SLC5A12: variants seen among roughly 807,000 people sequenced by gnomAD.
SLC5A12 encodes the protein solute carrier family 5 member 12, also known as sodium-coupled monocarboxylate transporter 2.
A neutral mutation model predicts 72.7 loss-of-function variants in SLC5A12; 46 were observed. That is an observed-to-expected ratio of 0.63 (90% confidence interval 0.50 to 0.81). SLC5A12 has a LOEUF of 0.81. Among genes scored for constraint, SLC5A12 ranks in the 30% least tolerant of loss-of-function variants. SLC5A12 has a pLI of 0.00. For missense variants in SLC5A12, 683 were observed against 740.7 expected (o/e 0.92, Z 0.90); for synonymous variants, 275 against 264.4 (o/e 1.04, Z -0.39).
At chr11:26,711,959 G>A (rs1027618016) in intron 2 of SLC5A12, among the ~76,000 whole-genome samples, 6 of 152,098 alleles carry the variant, frequency 3.9e-5, no homozygotes, top group Non-Finnish European at 5.9e-5. Context: ...TCATGTTAGG[G>A]TTTTAAAAGG....
At chr11:26,700,434 T>C (rs1468883702) in intron 6 of SLC5A12, among the ~76,000 whole-genome samples, 3 of 152,090 alleles carry the variant, frequency 2.0e-5, no homozygotes, top group Non-Finnish European at 4.4e-5. Context: ...ATTGTAGCTA[T>C]AGCAGGAAGC....
At chr11:26,697,574 T>G (rs148176889) in intron 7 of SLC5A12, among the ~76,000 whole-genome samples, 1 of 152,182 alleles carries the variant, frequency 6.6e-6, no homozygotes, top group East Asian at 1.9e-4. Flanking sequence ...AGCAGGACAG[T>G]TAAATATATA....
chr11:26,681,375 C>T (rs930355224), intron 11 of SLC5A12, among the ~76,000 whole-genome samples, 154 bp from the exon 12 acceptor site: 7 of 152,152 alleles, frequency 4.6e-5, no homozygotes, highest in African/African-American at 1.7e-4. Flanking sequence ...CTGCCTTCAC[C>T]TCAACTCCCA....
At chr11:26,690,611 G>T (rs1046946216) in intron 9 of SLC5A12, among the ~76,000 whole-genome samples, 6 of 139,398 alleles carry the variant, frequency 4.3e-5, no homozygotes, top group Non-Finnish European at 7.6e-5. Context: ...GGGACTTCGA[G>T]ACCAGCCTGA....
upstream of SLC5A12, among the ~76,000 whole-genome samples, chr11:26,722,671 C>T (rs1288414352): frequency 2.0e-5 from 3 of 152,120 alleles, no homozygotes; most frequent in Middle Eastern, 3.2e-3. Flanking sequence ...ACTGTACCCA[C>T]AGGCTAAGTT....
intron 4 of SLC5A12, among the ~76,000 whole-genome samples, chr11:26,706,906 C>CA (rs1375144631): frequency 2.0e-5 from 3 of 150,474 alleles, no homozygotes; most frequent in Admixed American, 6.6e-5. Flanking sequence ...CATTTCATAC[C>CA]AAAAATAGTT....
chr11:26,681,304 T>C, intron 11 of SLC5A12, 83 bp from the exon 12 acceptor site: 2 of 1,167,636 alleles, frequency 1.7e-6, no homozygotes, highest in Non-Finnish European at 2.3e-6. Flanking sequence ...TTCTATGCCT[T>C]AGAGATTCTG....
In SLC5A12 at chr11:26,680,318, T is replaced by TATATATATTCATATATATATATGA. The variant is rs1565185611; in HGVS notation, c.1475+736_1475+737insTCATATATATATATGAATATATAT. Among the ~76,000 whole-genome samples, 277 of 107,044 alleles carry TATATATATTCATATATATATATGA rather than the reference T, an allele frequency of 2.6e-3. 3 individuals are homozygous for TATATATATTCATATATATATATGA. The highest frequency in any genetic ancestry group is 8.0e-3 in the African/African-American group (201 of 25,062). The allele number at this position is 107,044 out of a possible 152,430, so 70.2% of individuals were successfully genotyped here. On this transcript the variant is annotated intron_variant, in intron 12 of 14. Coordinates refer to ENST00000396005, the MANE Select transcript of SLC5A12 (RefSeq NM_178498.4). ...GTATATATATTCATATATATATATG[T>TATATATATTCATATATATATATGA]ATATATATTCATATATATATGTATA...
chr11:26,703,443 C>CACAT, intron 6 of SLC5A12, 88 bp downstream of exon 6: 2 of 1,380,692 alleles, frequency 1.4e-6, no homozygotes, highest in Admixed American at 1.8e-5. Context: ...CACACACACA[C>CACAT]ACACCCCCCA....
At chr11:26,697,750 G>T (rs376700475) in intron 7 of SLC5A12, among the ~76,000 whole-genome samples, 15 of 152,100 alleles carry the variant, frequency 9.9e-5, no homozygotes, top group African/African-American at 4.8e-5. Flanking sequence ...TCAATCTGAG[G>T]TTCCTTAATC....
rs760561829 is a variant in SLC5A12 at position 26,703,581 on chromosome 11, T to C, written c.771A>G (p.Gln257=). Residue 257 remains glutamine (Q), a synonymous_variant, in exon 6 of 15, where the codon CAA becomes CAG. Transcript: ENST00000396005. ...FTWLGIYGVN[Q]STIQRCISCK... is the part of the protein sequence containing the mutation. ...AAGAGATGCATCGCTGAATAGTTGA[T>C]TGATTGACCCCATAGATTCCGAGCC... 1.9e-6 allele frequency: 3 copies of C among 1,614,034 alleles called. No individual in the cohort carries two copies. The highest frequency in any genetic ancestry group is 2.2e-5 in the East Asian group (1 of 44,874).
At chr11:26,685,821 C>G (rs968082639) in intron 10 of SLC5A12, among the ~76,000 whole-genome samples, 7 of 151,896 alleles carry the variant, frequency 4.6e-5, no homozygotes, top group African/African-American at 1.7e-4. Context: ...CTTTTTTTCC[C>G]GTAATCACCT....
chr11:26,700,266 A>C, intron 6 of SLC5A12, among the ~76,000 whole-genome samples: 1 of 152,234 alleles, frequency 6.6e-6, no homozygotes, highest in East Asian at 1.9e-4. Flanking sequence ...CAGTGGAAAT[A>C]GAATATTAAA....
chr11:26,681,034 C>T (rs1405458204), intron 12 of SLC5A12, 21 bp downstream of exon 12: 3 of 1,563,000 alleles, frequency 1.9e-6, no homozygotes, highest in South Asian at 1.2e-5. Context: ...GGACTTAGCA[C>T]CATCTATAAA....
In SLC5A12 at chr11:26,671,144, G is replaced by A; in HGVS notation, c.1815C>T (p.Asp605=). The A allele has an allele frequency of 6.2e-7, 1 of 1,612,514 alleles. No homozygotes were observed. Among genetic ancestry groups the A allele is most frequent in the Non-Finnish European group, 8.5e-7 (1 of 1,179,208 alleles). The change falls in exon 15 of 15, where the codon GAC becomes GAT. Residue 605 remains aspartate, a synonymous_variant. Transcript: ENST00000396005. ...LVHVPGYDPK[D]KSYNNMAFET... ...CAAATGCCATATTGTTGTAGCTTTT[G>A]TCCTTAGGATCATAGCCTGGAACAT...
rs1376258904 is a variant in SLC5A12, at chr11:26,670,258, T to C, written c.*844A>G. On this transcript the variant is annotated 3_prime_UTR_variant, in exon 15 of 15. Transcript: ENST00000396005. The stretch of plus-strand genomic sequence containing the variant: ...TGTTACAATATTTGCAACGTTCTTT[T>C]ACCAAATTCTATCCTAACAACCTTC... 2 of 152,134 alleles carry C rather than the reference T, an allele frequency of 1.3e-5. No homozygotes were observed. Among genetic ancestry groups the C allele is most frequent in the African/African-American group, 4.8e-5 (2 of 41,432 alleles). 9.4% of individuals were successfully genotyped at this position (152,134 alleles called of 1,614,324 possible).
chr11:26,683,704 CG>C, intron 11 of SLC5A12, 52 bp downstream of exon 11: 1 of 1,450,532 alleles, frequency 6.9e-7, no homozygotes, highest in Non-Finnish European at 9.5e-7. Flanking sequence ...AGAGAGAAAA[CG>C]GCTGGGCCCA....
chr11:26,697,291 A>G (rs755663698), intron 7 of SLC5A12, 39 bp from the exon 8 acceptor site: 1 of 1,542,176 alleles, frequency 6.5e-7, no homozygotes, highest in Non-Finnish European at 8.8e-7. Context: ...AAATAAAAAG[A>G]AGAAAGAAAG....
intron 1 of SLC5A12, among the ~76,000 whole-genome samples, chr11:26,712,976 C>A (rs1855267639): frequency 6.6e-6 from 1 of 152,010 alleles, no homozygotes; most frequent in Non-Finnish European, 1.5e-5. Flanking sequence ...GACTTTCTGC[C>A]CAAAAGTCTT....
Sources: allele counts gnomAD v4.1 joint callset (sites outside exome capture counted in the v4.1 genomes callset), GRCh38; gene constraint gnomAD v4.1.1; transcripts MANE v1.5; gene names NCBI Gene and HGNC (gene_info 2026-07-23, HGNC 2026-07-21).